The following PHF6 variants were observed in gnomAD, a reference collection of about 807,000 sequenced individuals.
PHF6 encodes PHD finger protein 6.
In PHF6, 7 loss-of-function variants were observed where a neutral mutation model predicts 34.0. That is an observed-to-expected ratio of 0.21 (90% CI 0.12 to 0.39). The LOEUF (loss-of-function observed/expected upper bound fraction) is 0.39, where lower values mean the gene tolerates loss of function less well. Ranked by LOEUF, PHF6 falls within the 10% of genes least tolerant of loss-of-function variation. The probability of loss-of-function intolerance (pLI) is 1.00; values close to 1 mark genes in which losing one functional copy is unlikely to be tolerated. For missense variants in PHF6, 128 were observed against 262.8 expected, an observed-to-expected ratio of 0.49 and a Z score of 3.55; for synonymous variants, 89 against 88.4, an observed-to-expected ratio of 1.01 and a Z score of -0.04.
chrX:134,399,041 T>C (rs2077390203), intron 5 of PHF6, among the ~76,000 whole-genome samples: 1 of 110,995 alleles, frequency 9.0e-6, no homozygotes, highest in Non-Finnish European at 1.9e-5. Context: ...AGGCTTGGTA[T>C]AGAAGGATGG....
Position 134,427,758 on chromosome X carries a change from A to C in PHF6, c.*2098A>C, listed in dbSNP as rs2077512028. ...AATCTCGCATTAAAAATTCAAATGT[A>C]AATTGAATTCACATGAAAAATCATG... is the stretch of plus-strand genomic sequence containing the variant. On this transcript the variant is annotated 3_prime_UTR_variant, in exon 11 of 11. Transcript: ENST00000370803. The C allele has an allele frequency of 6.2e-6, 1 of 161,369 alleles. No homozygotes were observed. The highest frequency in any genetic ancestry group is 8.1e-5 in the Admixed American group (1 of 12,366). 13.3% of individuals were successfully genotyped at this position (161,369 alleles called of 1,213,427 possible).
chrX:134,397,513 G>T (rs1013260085), intron 5 of PHF6, among the ~76,000 whole-genome samples: 1 of 111,528 alleles, frequency 9.0e-6, no homozygotes, highest in African/African-American at 3.3e-5. Flanking sequence ...GCTGGGTATG[G>T]TGGCACACAT....
At position 134,378,025 on chromosome X, in the gene PHF6, A is replaced by G. The variant is rs769976257; in HGVS notation, c.159A>G (p.Val53=). The G allele has an allele frequency of 5.8e-6, 7 of 1,197,726 alleles. No individual in the cohort carries two copies. The highest frequency in any genetic ancestry group is 4.4e-5 in the Admixed American group (2 of 44,989). The change falls in exon 3 of 11, where the codon GTA becomes GTG. Residue 53 remains valine, a synonymous_variant. Coordinates refer to ENST00000370803, the MANE Select transcript of PHF6 (RefSeq NM_001015877.2). ...HKCMLFSSAL[V]SSHSDNESLG... ...TATAGCTCTTTTCATCTGCTTTGGT[A>G]TCATCACACTCTGATAATGAAAGTC...
chrX:134,415,181 G>A, intron 8 of PHF6, 61 bp downstream of exon 8: 18 of 1,206,938 alleles, frequency 1.5e-5, no homozygotes, highest in Non-Finnish European at 2.0e-5. Context: ...TAAATTTAGA[G>A]TACATCCCAA....
At chrX:134,398,521 A>T in intron 5 of PHF6, among the ~76,000 whole-genome samples, 1 of 112,288 alleles carries the variant, frequency 8.9e-6, no homozygotes, top group Non-Finnish European at 1.9e-5. Context: ...TTAAGCAAAG[A>T]GAATGGCTTG....
rs1323014457 is a variant in PHF6, at chrX:134,390,758, T to C, written c.241-2743T>C. Among the ~76,000 whole-genome samples the C allele has an allele frequency of 2.5e-4, 28 of 111,388 alleles. No individual in the cohort carries two copies. In the Admixed American group the frequency reaches 2.7e-3, roughly 11 times the overall value. Reference sequence around the variant, plus strand: ...TAGCCACTTAGCATTTTGCTGTTTTTACTTGCACCTGTTTTAAAGAATCTA... The same window carrying C: ...TAGCCACTTAGCATTTTGCTGTTTTCACTTGCACCTGTTTTAAAGAATCTA... On this transcript the variant is annotated intron_variant, in intron 3 of 10. Transcript: ENST00000370803.
intron 8 of PHF6, 155 bp downstream of exon 8, chrX:134,415,275 A>T (rs1326955906): frequency 1.1e-6 from 1 of 928,402 alleles, no homozygotes; most frequent in Non-Finnish European, 1.5e-6. Flanking sequence ...ATAATAAAGG[A>T]TGCTGATGTT....
chrX:134,408,164 A>G (rs1252613670), intron 5 of PHF6, among the ~76,000 whole-genome samples: 1 of 111,829 alleles, frequency 8.9e-6, no homozygotes, highest in Non-Finnish European at 1.9e-5. Context: ...CTGACCTCAA[A>G]CAATCCACCC....
At chrX:134,410,716 C>T (rs1289691533) in intron 5 of PHF6, among the ~76,000 whole-genome samples, 1 of 103,947 alleles carries the variant, frequency 9.6e-6, no homozygotes, top group Non-Finnish European at 2.0e-5. Context: ...GGCATGATCT[C>T]GGCTTACTGC....
chrX:134,404,936 C>G (rs2077416659), intron 5 of PHF6, among the ~76,000 whole-genome samples: 1 of 111,944 alleles, frequency 8.9e-6, no homozygotes, highest in Non-Finnish European at 1.9e-5. Flanking sequence ...TTTAAATGCA[C>G]TGGGAAATGA....
At chrX:134,379,560 A>T (rs1235789708) in intron 3 of PHF6, among the ~76,000 whole-genome samples, 2 of 104,796 alleles carry the variant, frequency 1.9e-5, no homozygotes, top group Non-Finnish European at 3.9e-5. Context: ...CTCCTGCCTC[A>T]GCCTCCCAAG....
intron 5 of PHF6, among the ~76,000 whole-genome samples, chrX:134,402,600 A>G (rs923256857): frequency 5.4e-5 from 6 of 111,893 alleles, no homozygotes; most frequent in Non-Finnish European, 1.1e-4. Context: ...TATTCTAAGG[A>G]TTAAATGAAA....
chrX:134,402,219 C>T (rs1217124534), intron 5 of PHF6, among the ~76,000 whole-genome samples: 1 of 112,321 alleles, frequency 8.9e-6, no homozygotes, highest in Non-Finnish European at 1.9e-5. Flanking sequence ...TGGTCTCCAT[C>T]TCCTGACCTC....
chrX:134,413,860 C>T lies in PHF6; in HGVS notation c.623C>T (p.Thr208Ile). The T allele has an allele frequency of 1.7e-6, 2 of 1,210,714 alleles. No homozygotes were observed. The highest frequency in any genetic ancestry group is 1.8e-5 in the South Asian group (1 of 56,947). The change falls in exon 7 of 11, where the codon ACC becomes ATC. Residue 208 changes from threonine (T) to isoleucine (I), a missense_variant. By Grantham distance (89) the Thr-to-Ile change is moderately conservative. Coordinates refer to ENST00000370803, the MANE Select transcript of PHF6 (RefSeq NM_001015877.2). ...RSPHRSSPSD[T>I]RPKCGFCHVG... ...CCACACAGAAGCAGCCCTAGTGACA[C>T]CAGGCCTAAATGTGGATTTTGCCAT...
intron 5 of PHF6, among the ~76,000 whole-genome samples, chrX:134,411,893 C>T (rs1050270865): frequency 1.4e-4 from 16 of 111,037 alleles, no homozygotes; most frequent in African/African-American, 3.6e-4. Flanking sequence ...CCACCACACC[C>T]GGCTAATTTT....
Position 134,388,718 on chromosome X carries a change from C to A in PHF6, c.241-4783C>A, listed in dbSNP as rs1057188315. 7.2e-5 allele frequency among the ~76,000 whole-genome samples: 8 copies of A among 111,870 alleles called. No individual in the cohort carries two copies. In the East Asian group the frequency reaches 2.2e-3, roughly 31 times the overall value. ...TCGTAGAAGTTGGCAATCTCATTTTCATTTTACTCCCCTATAGTTACTGAG... is the reference window on the plus strand; with the variant it reads ...TCGTAGAAGTTGGCAATCTCATTTTAATTTTACTCCCCTATAGTTACTGAG... On this transcript the variant is annotated intron_variant, in intron 3 of 10. Coordinates refer to ENST00000370803, the MANE Select transcript of PHF6 (RefSeq NM_001015877.2).
intron 5 of PHF6, among the ~76,000 whole-genome samples, chrX:134,401,665 A>G (rs1471812280): frequency 2.7e-5 from 3 of 111,841 alleles, no homozygotes; most frequent in African/African-American, 9.8e-5. Context: ...GAAATTACTT[A>G]AAAAGATAAA....
intron 5 of PHF6, among the ~76,000 whole-genome samples, chrX:134,399,146 TCCTGAAGGAA>T (rs2077390617): frequency 9.0e-6 from 1 of 111,612 alleles, no homozygotes; most frequent in Admixed American, 9.5e-5. Flanking sequence ...AGAGAGTAGT[TCCTGAAGGAA>T]CCAAATGGTC....
rs367671843 is a variant in PHF6, at chrX:134,425,166, A to G, written c.969-35A>G. The G allele has an allele frequency of 1.2e-5, 14 of 1,205,464 alleles. No homozygotes were observed. In the African/African-American group the frequency reaches 1.7e-4, roughly 15 times the overall value. On this transcript the variant is annotated intron_variant, in intron 9 of 10. Transcript: ENST00000370803. Reference sequence around the variant, plus strand: ...GCAGGAATGTTCATCAGCAGTGACAAAGCATTTTGAGATTTTTGTCTTTCA... The same window carrying G: ...GCAGGAATGTTCATCAGCAGTGACAGAGCATTTTGAGATTTTTGTCTTTCA...
Sources: allele counts gnomAD v4.1 joint callset (sites outside exome capture counted in the v4.1 genomes callset), GRCh38; gene constraint gnomAD v4.1.1; transcripts MANE v1.5; gene names NCBI Gene and HGNC (gene_info 2026-07-23, HGNC 2026-07-21).